RELT: variants seen among roughly 807,000 people sequenced by gnomAD.
RELT encodes RELT TNF receptor.
A neutral mutation model predicts 51.1 loss-of-function variants in RELT; 37 were observed. That is an observed-to-expected ratio of 0.72 (90% CI 0.56 to 0.95). The LOEUF is 0.95. Ranked by LOEUF, RELT falls within the 40% of genes least tolerant of loss-of-function variation. The pLI, the probability that RELT is intolerant of heterozygous loss-of-function variation, is 0.00. For synonymous variants in RELT, 241 were observed against 235.7 expected (o/e 1.02, Z -0.21); for missense variants, 535 against 572.6 (o/e 0.93, Z 0.67).
chr11:73,382,776 A>G (rs971245857), intron 1 of RELT, among the ~76,000 whole-genome samples: 5 of 152,198 alleles, frequency 3.3e-5, no homozygotes, highest in East Asian at 1.9e-4. Context: ...GACAGGCAGT[A>G]GTGCTCAGTG....
At position 73,388,676 on chromosome 11, in the gene RELT, G is replaced by A. The variant is rs1006645874; in HGVS notation, c.-25-436G>A. Among the ~76,000 whole-genome samples the A allele has an allele frequency of 6.6e-6, 1 of 152,228 alleles. No homozygotes were observed. The highest frequency in any genetic ancestry group is 2.4e-5 in the African/African-American group (1 of 41,460). On this transcript the variant is annotated intron_variant, in intron 1 of 10. Coordinates refer to ENST00000064780, the MANE Select transcript of RELT (RefSeq NM_152222.2). The surrounding 1 kb of genome is among the most constrained non-coding windows in gnomAD (Gnocchi z 4.1). Reference sequence around the variant, plus strand: ...CATGCTTGCAGACCTGTGAGGAGGAGGCGGGGGGAGCCTGAGCCTGGAGCG... The same window carrying A: ...CATGCTTGCAGACCTGTGAGGAGGAAGCGGGGGGAGCCTGAGCCTGGAGCG...
chr11:73,386,591 A>G (rs1309104999), intron 1 of RELT, among the ~76,000 whole-genome samples: 1 of 152,110 alleles, frequency 6.6e-6, no homozygotes, highest in East Asian at 1.9e-4. Flanking sequence ...TGGGGTAATG[A>G]GAAGGTGCGT....
chr11:73,394,843 G>GC lies in RELT; in HGVS notation c.1046+112dup, dbSNP rs1866285634. The GC allele has an allele frequency of 7.4e-7, 1 of 1,346,398 alleles. No homozygotes were observed. Among genetic ancestry groups the GC allele is most frequent in the Non-Finnish European group, 1.0e-6 (1 of 991,466 alleles). 83.4% of individuals were successfully genotyped at this position (1,346,398 alleles called of 1,614,324 possible). ...GCCCTGAGCACCCTGCTCAATGGGA[G>GC]CCCTGCCCTTATTGGGCCTCTCTGG... On this transcript the variant is annotated intron_variant, in intron 9 of 10. Transcript: ENST00000064780. This position sits in a 1 kb window ranked among gnomAD's most constrained non-coding sequence, Gnocchi z 4.9.
chr11:73,393,226 G>A (rs939910674), intron 6 of RELT: 11 of 1,001,032 alleles, frequency 1.1e-5, no homozygotes, highest in South Asian at 4.2e-5. Context: ...AGGAGGAAAC[G>A]TGGTGACTCA....
At chr11:73,386,712 A>C (rs1029959800) in intron 1 of RELT, among the ~76,000 whole-genome samples, 1 of 152,144 alleles carries the variant, frequency 6.6e-6, no homozygotes, top group Non-Finnish European at 1.5e-5. Context: ...GGAAGGTTCT[A>C]GATCACACAG....
At position 73,385,397 on chromosome 11, in the gene RELT, C is replaced by T. The variant is rs1424419137; in HGVS notation, c.-25-3715C>T. Among the ~76,000 whole-genome samples the T allele has an allele frequency of 2.6e-5, 4 of 152,182 alleles. No homozygotes were observed. The South Asian group carries it at 6.2e-4, about 24-fold the overall frequency. On this transcript the variant is annotated intron_variant, in intron 1 of 10. Transcript: ENST00000064780. ...CTCAATCGTGGTCTGGGGCCCTCAG[C>T]TTGGGGGTCTGGCCGTGGCCTTTGC...
intron 6 of RELT, chr11:73,393,511 TGAG>T (rs1307153044): frequency 8.7e-6 from 11 of 1,259,370 alleles, no homozygotes; most frequent in African/African-American, 4.6e-5. Context: ...TCCTTGAGGC[TGAG>T]GAGGAGACAG....
In RELT at chr11:73,388,965, G is replaced by A. The variant is rs982244944; in HGVS notation, c.-25-147G>A. On this transcript the variant is annotated intron_variant, in intron 1 of 10. Coordinates refer to ENST00000064780, the MANE Select transcript of RELT (RefSeq NM_152222.2). The surrounding 1 kb of genome is among the most constrained non-coding windows in gnomAD (Gnocchi z 4.1). ...TCTGCTTGGGCCTGTGCTTGCGGGT[G>A]TGGAGCCGGCCTCCCCGGGCTCTGC... 11 of 620,904 alleles carry A rather than the reference G, an allele frequency of 1.8e-5. No homozygotes were observed. The highest frequency in any genetic ancestry group is 3.2e-5 in the Non-Finnish European group (11 of 346,938). The allele number at this position is 620,904 out of a possible 1,614,324, so 38.5% of individuals were successfully genotyped here.
rs1477454237 is a variant in RELT at position 73,395,694 on chromosome 11, G to C, written c.*203G>C. The C allele has an allele frequency of 4.4e-5, 26 of 596,642 alleles. No homozygotes were observed. In the East Asian group the frequency reaches 6.1e-4, roughly 14 times the overall value. The allele number at this position is 596,642 out of a possible 1,614,324, so 37.0% of individuals were successfully genotyped here. ...CGGCGGGCACTGTGTACAGGAGCAG[G>C]CTGAGCCCCGCCCCTGGCCCTGCTG... On this transcript the variant is annotated 3_prime_UTR_variant, in exon 11 of 11. Coordinates refer to ENST00000064780, the MANE Select transcript of RELT (RefSeq NM_152222.2).
chr11:73,384,543 A>C (rs566033620), intron 1 of RELT: 20 of 152,394 alleles, frequency 1.3e-4, no homozygotes, highest in African/African-American at 4.8e-4. Context: ...CAGCCTTACC[A>C]CAGCCCTCTG....
chr11:73,388,963 G>A lies in RELT; in HGVS notation c.-25-149G>A, dbSNP rs1866167076. The A allele has an allele frequency of 1.6e-6, 1 of 620,586 alleles. No homozygotes were observed. Among genetic ancestry groups the A allele is most frequent in the African/African-American group, 1.9e-5 (1 of 53,816 alleles). The allele number at this position is 620,586 out of a possible 1,614,324, so 38.4% of individuals were successfully genotyped here. A position where few individuals can be genotyped will look rare whatever the true frequency, so the allele number is the denominator to read the frequency against. ...CCTCTGCTTGGGCCTGTGCTTGCGG[G>A]TGTGGAGCCGGCCTCCCCGGGCTCT... On this transcript the variant is annotated intron_variant, in intron 1 of 10. Coordinates refer to ENST00000064780, the MANE Select transcript of RELT (RefSeq NM_152222.2). This position sits in a 1 kb window ranked among gnomAD's most constrained non-coding sequence, Gnocchi z 4.1.
chr11:73,395,636 G>A lies in RELT; in HGVS notation c.*145G>A. 1.4e-6 allele frequency: 1 copy of A among 691,836 alleles called. No individual in the cohort carries two copies. The highest frequency in any genetic ancestry group is 2.7e-6 in the Non-Finnish European group (1 of 375,902). The allele number at this position is 691,836 out of a possible 1,614,324, so 42.9% of individuals were successfully genotyped here. A position where few individuals can be genotyped will look rare whatever the true frequency, so the allele number is the denominator to read the frequency against. ...ACAGCAAAGACCAAGGCCTGGAGGT[G>A]GGAGCGTCTGCCCCAGTGAGGAGGC... On this transcript the variant is annotated 3_prime_UTR_variant, in exon 11 of 11. Transcript: ENST00000064780.
chr11:73,392,730 A>T, intron 6 of RELT: 1 of 1,398,442 alleles, frequency 7.2e-7, no homozygotes, highest in South Asian at 1.5e-5. Flanking sequence ...AGATGTGGGG[A>T]TCTGGACTCT....
Position 73,396,541 on chromosome 11 carries a change from C to T in RELT, c.*1050C>T, listed in dbSNP as rs1866321749. On this transcript the variant is annotated 3_prime_UTR_variant, in exon 11 of 11. Coordinates refer to ENST00000064780, the MANE Select transcript of RELT (RefSeq NM_152222.2). ...GGCCGTGCAGGCATGGGCCCACTGC[C>T]TGTCCATCCTGTTTCTCTTATTTAT... 6.6e-6 allele frequency: 1 copy of T among 152,300 alleles called. No homozygotes were observed. Among genetic ancestry groups the T allele is most frequent in the Non-Finnish European group, 1.5e-5 (1 of 68,066 alleles). The allele number at this position is 152,300 out of a possible 1,614,324, so 9.4% of individuals were successfully genotyped here.
rs748238442 is a variant in RELT at position 73,395,091 on chromosome 11, C to T, written c.1051C>T (p.Arg351Cys). 1.1e-5 allele frequency: 18 copies of T among 1,612,966 alleles called. No homozygotes were observed. The highest frequency in any genetic ancestry group is 3.3e-4 in the Middle Eastern group (2 of 6,062). Residue 351 changes from arginine to cysteine, a missense_variant, in exon 10 of 11, where the codon CGC becomes TGC. Transcript: ENST00000064780. ...ATTGCCCCACTCTCCTCACAGGTTC[C>T]GCGTGGCTCGAATTCCTGAGCAGCG... The part of the protein sequence containing the change: ...EITILSVGRF[R>C]VARIPEQRTS...
At chr11:73,384,612 G>T (rs999012403) in intron 1 of RELT, 5 of 152,242 alleles carry the variant, frequency 3.3e-5, no homozygotes, top group Admixed American at 3.3e-4. Flanking sequence ...CCCATACTTT[G>T]TATCCCCAGG....
At position 73,394,761 on chromosome 11, in the gene RELT, G is replaced by A. The variant is rs540211683; in HGVS notation, c.1046+27G>A. ...TGAGATGGGCACAGATGCAGCAGGG[G>A]CAGGTAAAGACGTGACAGCCTGGGG... On this transcript the variant is annotated intron_variant, in intron 9 of 10. Coordinates refer to ENST00000064780, the MANE Select transcript of RELT (RefSeq NM_152222.2). This position sits in a 1 kb window ranked among gnomAD's most constrained non-coding sequence, Gnocchi z 4.9. 4.4e-6 allele frequency: 7 copies of A among 1,598,410 alleles called. No individual in the cohort carries two copies. In the Admixed American group the frequency reaches 8.3e-5, roughly 19 times the overall value.
In RELT at chr11:73,394,454, A is replaced by G. The variant is rs1339727903; in HGVS notation, c.789-23A>G. On this transcript the variant is annotated intron_variant, in intron 8 of 10. Transcript: ENST00000064780. The surrounding 1 kb of genome is among the most constrained non-coding windows in gnomAD (Gnocchi z 4.9). ...CCTGCCCCTGGCCTGGCCTATGGCC[A>G]CTTCTGCCTGTGCCCCCTGCAGGCT... 6.2e-7 allele frequency: 1 copy of G among 1,609,012 alleles called. No homozygotes were observed. Among genetic ancestry groups the G allele is most frequent in the African/African-American group, 1.3e-5 (1 of 74,794 alleles).
rs1866271199 is a variant in RELT, at chr11:73,394,357, A to G, written c.788+40A>G. 5 of 1,611,090 alleles carry G rather than the reference A, an allele frequency of 3.1e-6. No homozygotes were observed. Among genetic ancestry groups the G allele is most frequent in the Non-Finnish European group, 2.5e-6 (3 of 1,178,000 alleles). ...GGGAGATAACGGGGCCAAAACCTACATTAACCAGCCTGCCTCCTGGGGATC... is the reference window on the plus strand; with the variant it reads ...GGGAGATAACGGGGCCAAAACCTACGTTAACCAGCCTGCCTCCTGGGGATC... On this transcript the variant is annotated intron_variant, in intron 8 of 10. Transcript: ENST00000064780. This position sits in a 1 kb window ranked among gnomAD's most constrained non-coding sequence, Gnocchi z 4.9.
Sources: allele counts gnomAD v4.1 joint callset (sites outside exome capture counted in the v4.1 genomes callset), GRCh38; gene constraint gnomAD v4.1.1; non-coding constraint Gnocchi (gnomAD v3.1); transcripts MANE v1.5; gene names NCBI Gene and HGNC (gene_info 2026-07-23, HGNC 2026-07-21).